PTGES3L: variants seen among roughly 807,000 people sequenced by gnomAD.
PTGES3L encodes the protein prostaglandin E synthase 3 like.
Under a neutral mutation model 25.0 loss-of-function variants are expected in PTGES3L, and 17 were observed. The ratio of observed to expected loss-of-function variants is 0.68; its 90% CI spans 0.47 to 1.02. The LOEUF (loss-of-function observed/expected upper bound fraction) is 1.02. Among genes scored for constraint, PTGES3L ranks in the 50% least tolerant of loss-of-function variants. PTGES3L has a pLI of 0.00. For synonymous variants in PTGES3L, 59 were observed against 65.7 expected (o/e 0.90, Z 0.50); for missense variants, 202 against 197.5 (o/e 1.02, Z -0.14).
intron 4 of PTGES3L, among the ~76,000 whole-genome samples, chr17:42,976,430 ATGCAGTGGCACGATC>A (rs1487560846): frequency 2.2e-4 from 34 of 151,912 alleles, no homozygotes; most frequent in African/African-American, 8.2e-4. Flanking sequence ...CCAGGCTGGA[ATGCAGTGGCACGATC>A]TCAGCTCACT....
chr17:42,969,726 T>C (rs2049798610), intron 6 of PTGES3L, among the ~76,000 whole-genome samples: 1 of 152,042 alleles, frequency 6.6e-6, no homozygotes, highest in Admixed American at 6.6e-5. Flanking sequence ...TAATTAATGC[T>C]ATTGCTCCTT....
chr17:42,970,682 A>G (rs763900345), intron 5 of PTGES3L, among the ~76,000 whole-genome samples: 758 of 29,388 alleles, frequency 0.026, 7 homozygotes, highest in Non-Finnish European at 0.039. Flanking sequence ...ACGCGCACAC[A>G]CACACACACA....
chr17:42,975,135 CAAA>C (rs11398866), intron 4 of PTGES3L, among the ~76,000 whole-genome samples: 1 of 97,032 alleles, frequency 1.0e-5, no homozygotes. Flanking sequence ...CATCCTGTCT[CAAA>C]AAAAAAAAAA....
intron 4 of PTGES3L, 184 bp from the exon 5 acceptor site, chr17:42,971,880 T>A: frequency 1.7e-6 from 1 of 579,134 alleles, no homozygotes; most frequent in Non-Finnish European, 3.1e-6. Flanking sequence ...CATGATAGAG[T>A]CTGAAAATCT....
rs1356158986 is a variant in PTGES3L, at chr17:42,969,198, G to T, written c.433-12C>A. 5.0e-6 allele frequency: 7 copies of T among 1,403,798 alleles called. No individual in the cohort carries two copies. Among genetic ancestry groups the T allele is most frequent in the African/African-American group, 1.6e-5 (1 of 63,796 alleles). 87.0% of individuals were successfully genotyped at this position (1,403,798 alleles called of 1,614,324 possible). ...CTGTCAGAATCATCCTGGGGGCGGG[G>T]GGGAAAAAAGACAAAGCACCTGTAG... On this transcript the variant is annotated splice_polypyrimidine_tract_variant and intron_variant, in intron 6 of 6. Transcript: ENST00000591916.
In PTGES3L at chr17:42,969,206, AAG is replaced by A; in HGVS notation, c.433-22_433-21del. The stretch of plus-strand genomic sequence containing the variant: ...ATCATCCTGGGGGCGGGGGGGAAAA[AAG>A]ACAAAGCACCTGTAGACCCTGCAAA... On this transcript the variant is annotated intron_variant, in intron 6 of 6. Transcript: ENST00000591916. 1.5e-6 allele frequency: 2 copies of A among 1,292,822 alleles called. No homozygotes were observed. Among genetic ancestry groups the A allele is most frequent in the Non-Finnish European group, 2.2e-6 (2 of 918,562 alleles). The allele number at this position is 1,292,822 out of a possible 1,614,324, so 80.1% of individuals were successfully genotyped here. A position where few individuals can be genotyped will look rare whatever the true frequency, so the allele number is the denominator to read the frequency against.
chr17:42,975,451 T>C lies in PTGES3L; in HGVS notation c.288+3719A>G, dbSNP rs111299379. Among the ~76,000 whole-genome samples, 674 of 152,222 alleles carry C rather than the reference T, an allele frequency of 4.4e-3. 4 individuals are homozygous for C. The highest frequency in any genetic ancestry group is 7.0e-3 in the Non-Finnish European group (477 of 68,020). The stretch of plus-strand genomic sequence containing the variant: ...TTGCAAAACAAACAAAACACAACAG[T>C]CTGCTGTGGCTAGAAGATAAAGCTT... On this transcript the variant is annotated intron_variant, in intron 4 of 6. Transcript: ENST00000591916.
At chr17:42,978,077 CAAAA>C (rs368420097) in intron 4 of PTGES3L, among the ~76,000 whole-genome samples, 37 of 47,394 alleles carry the variant, frequency 7.8e-4, no homozygotes, top group East Asian at 1.4e-3. Context: ...AACTCCGAAT[CAAAA>C]AAAAAAAAAA....
At chr17:42,976,568 C>T (rs1013108861) in intron 4 of PTGES3L, among the ~76,000 whole-genome samples, 3 of 151,912 alleles carry the variant, frequency 2.0e-5, no homozygotes, top group Non-Finnish European at 4.4e-5. Flanking sequence ...TTAGTAGAGA[C>T]GGCGTTTCAC....
chr17:42,977,520 C>T (rs2049976210), intron 4 of PTGES3L, among the ~76,000 whole-genome samples: 1 of 150,570 alleles, frequency 6.6e-6, no homozygotes, highest in African/African-American at 2.4e-5. Context: ...AGGAGAATCG[C>T]TTGAACCCAG....
chr17:42,973,500 C>G (rs1364795962), intron 4 of PTGES3L, among the ~76,000 whole-genome samples: 7 of 152,086 alleles, frequency 4.6e-5, no homozygotes, highest in Admixed American at 4.6e-4. Context: ...GTGTGCCCAA[C>G]AGCTCACTGA....
intron 4 of PTGES3L, among the ~76,000 whole-genome samples, chr17:42,972,662 C>T (rs1183010423): frequency 6.6e-6 from 1 of 152,136 alleles, no homozygotes; most frequent in African/African-American, 2.4e-5. Context: ...GGCATGATCT[C>T]GGCTCGCTAC....
intron 4 of PTGES3L, among the ~76,000 whole-genome samples, chr17:42,973,572 G>T (rs1245918433): frequency 2.6e-5 from 4 of 151,970 alleles, no homozygotes; most frequent in African/African-American, 4.8e-5. Flanking sequence ...GTGGGGAAAA[G>T]ATTGAGAAAT....
intron 5 of PTGES3L, among the ~76,000 whole-genome samples, chr17:42,971,380 A>G (rs1011971317): frequency 1.2e-4 from 19 of 152,196 alleles, no homozygotes; most frequent in African/African-American, 4.3e-4. Context: ...CAGGCTCTAC[A>G]CTGAATAAGT....
chr17:42,975,681 TC>T (rs2049941256), intron 4 of PTGES3L, among the ~76,000 whole-genome samples: 1 of 152,092 alleles, frequency 6.6e-6, no homozygotes, highest in Non-Finnish European at 1.5e-5. Flanking sequence ...TTTTTCTTTT[TC>T]TTTTTTCTTT....
At chr17:42,975,135 CAAAAAAA>C (rs11398866) in intron 4 of PTGES3L, among the ~76,000 whole-genome samples, 1 of 97,050 alleles carries the variant, frequency 1.0e-5, no homozygotes, top group African/African-American at 4.1e-5. Context: ...CATCCTGTCT[CAAAAAAA>C]AAAAAAAAAA....
chr17:42,975,122 C>T (rs1466442863), intron 4 of PTGES3L, among the ~76,000 whole-genome samples: 1 of 114,892 alleles, frequency 8.7e-6, no homozygotes, highest in Non-Finnish European at 1.7e-5. Context: ...AGTAACAGTA[C>T]GACATCCTGT....
intron 6 of PTGES3L, among the ~76,000 whole-genome samples, chr17:42,969,790 C>T (rs561729284): frequency 6.6e-6 from 1 of 152,022 alleles, no homozygotes; most frequent in East Asian, 1.9e-4. Flanking sequence ...AGATGGAAAG[C>T]AGGAGGGTCT....
intron 4 of PTGES3L, among the ~76,000 whole-genome samples, chr17:42,978,094 A>AAAAAAAC: frequency 6.6e-6 from 1 of 150,464 alleles, no homozygotes; most frequent in Non-Finnish European, 1.5e-5. Context: ...AAAAAAAAAA[A>AAAAAAAC]AAAAAACAGA....
Sources: gnomAD v4.1 joint callset for allele counts (sites outside exome capture counted in the v4.1 genomes callset) on GRCh38, gnomAD v4.1.1 for gene constraint, MANE v1.5 for transcripts, NCBI Gene and HGNC (gene_info 2026-07-23, HGNC 2026-07-21) for gene names.